The following ASAP1 variants were observed in gnomAD, a reference collection of about 807,000 sequenced individuals.
The protein encoded by ASAP1 is arf-GAP with SH3 domain, ANK repeat and PH domain-containing protein 1.
In ASAP1, 43 loss-of-function variants were observed where a neutral mutation model predicts 145.2. That is an observed-to-expected ratio of 0.30 (90% CI 0.23 to 0.38). ASAP1 has a LOEUF of 0.38. ASAP1 is among the 10% of genes least tolerant of loss of function. ASAP1 has a pLI of 1.00. For synonymous variants in ASAP1, 546 were observed against 515.5 expected, an observed-to-expected ratio of 1.06 and a Z score of -0.80; for missense variants, 1,018 against 1,355.3, an observed-to-expected ratio of 0.75 and a Z score of 3.91.
At chr8:130,217,496 T>A (rs983301768) in intron 4 of ASAP1, among the ~76,000 whole-genome samples, 10 of 151,338 alleles carry the variant, frequency 6.6e-5, no homozygotes, top group African/African-American at 2.4e-4. Context: ...TATATATGTA[T>A]ATTATATGTG....
intron 1 of ASAP1, among the ~76,000 whole-genome samples, chr8:130,418,229 T>A (rs754286178): frequency 1.2e-4 from 18 of 152,212 alleles, no homozygotes; most frequent in Non-Finnish European, 2.1e-4. Context: ...TGACTTATAA[T>A]TCACATACAA....
At chr8:130,389,696 TTTTA>T (rs1828185026) in intron 2 of ASAP1, among the ~76,000 whole-genome samples, 1 of 152,142 alleles carries the variant, frequency 6.6e-6, no homozygotes, top group African/African-American at 2.4e-5. Flanking sequence ...TTAGCTTTCT[TTTTA>T]TTTATTTATT....
chr8:130,318,206 C>CA (rs1157681356), intron 3 of ASAP1, among the ~76,000 whole-genome samples: 1 of 152,180 alleles, frequency 6.6e-6, no homozygotes, highest in Non-Finnish European at 1.5e-5. Flanking sequence ...CTCAGCCCCC[C>CA]AAGTGGCTGG....
At chr8:130,203,638 T>C (rs577939560) in intron 5 of ASAP1, among the ~76,000 whole-genome samples, 80 of 152,120 alleles carry the variant, frequency 5.3e-4, no homozygotes, top group Non-Finnish European at 1.1e-3. Context: ...ATGCCTGGGA[T>C]GGAAAATGGG....
chr8:130,302,996 G>GA (rs1393856155), intron 3 of ASAP1, among the ~76,000 whole-genome samples: 4 of 151,538 alleles, frequency 2.6e-5, no homozygotes, highest in Non-Finnish European at 1.5e-5. Flanking sequence ...GTCACCACGG[G>GA]AAAAAAAAGA....
chr8:130,347,611 C>T (rs895584965), intron 3 of ASAP1, among the ~76,000 whole-genome samples: 2 of 152,174 alleles, frequency 1.3e-5, no homozygotes, highest in African/African-American at 4.8e-5. Flanking sequence ...ACCATCACCC[C>T]CAGGCTGAAG....
At chr8:130,126,895 C>T (rs1363115523) in intron 16 of ASAP1, among the ~76,000 whole-genome samples, 2 of 152,226 alleles carry the variant, frequency 1.3e-5, no homozygotes, top group Admixed American at 6.5e-5. Flanking sequence ...CTTGTTCTGA[C>T]TCCTACTAGC....
chr8:130,184,737 T>C (rs1471932830), intron 7 of ASAP1, among the ~76,000 whole-genome samples: 1 of 152,234 alleles, frequency 6.6e-6, no homozygotes, highest in African/African-American at 2.4e-5. Context: ...CGTACATTTA[T>C]CACTTTGACC....
rs565880356 is a variant in ASAP1 at position 130,440,587 on chromosome 8, C to T, written c.-28+2873G>A. Among the ~76,000 whole-genome samples, 147 of 152,112 alleles carry T rather than the reference C, an allele frequency of 9.7e-4. 1 individual carries two copies. Among genetic ancestry groups the T allele is most frequent in the African/African-American group, 3.4e-3 (140 of 41,494 alleles). ...CTTCCCTTTGTACTGGGTGGAGGGA[C>T]TCTCCCCAGCATGGCTTAGAATCGG... On this transcript the variant is annotated intron_variant, in intron 1 of 29. Transcript: ENST00000518721.
At chr8:130,115,535 A>C in intron 23 of ASAP1, 93 bp downstream of exon 23, 1 of 974,786 alleles carries the variant, frequency 1.0e-6, no homozygotes. Context: ...ATAAAACCAC[A>C]ATCAATCAAT....
chr8:130,245,127 G>A (rs1818771453), intron 3 of ASAP1, among the ~76,000 whole-genome samples: 1 of 152,138 alleles, frequency 6.6e-6, no homozygotes, highest in Non-Finnish European at 1.5e-5. Flanking sequence ...ATGTTATCAT[G>A]TTAGTTTCAA....
chr8:130,110,150 T>C (rs1032766679), intron 24 of ASAP1, among the ~76,000 whole-genome samples: 1 of 152,168 alleles, frequency 6.6e-6, no homozygotes, highest in South Asian at 2.1e-4. Context: ...AGTCAGACAG[T>C]ATATATTATG....
At chr8:130,292,560 T>C (rs1822010954) in intron 3 of ASAP1, among the ~76,000 whole-genome samples, 1 of 152,184 alleles carries the variant, frequency 6.6e-6, no homozygotes. Flanking sequence ...CCACGAAACT[T>C]TCCAAGTTTA....
At chr8:130,076,832 T>C (rs1180579377) in intron 26 of ASAP1, among the ~76,000 whole-genome samples, 2 of 152,168 alleles carry the variant, frequency 1.3e-5, no homozygotes, top group Non-Finnish European at 2.9e-5. Flanking sequence ...AAAATGTCTT[T>C]AACAAAAGAT....
At chr8:130,394,575 C>A (rs1223361196) in intron 2 of ASAP1, among the ~76,000 whole-genome samples, 2 of 152,168 alleles carry the variant, frequency 1.3e-5, no homozygotes, top group East Asian at 1.9e-4. Context: ...GTAAAGTATG[C>A]GATCTCTGTG....
chr8:130,064,074 C>T (rs2097425030), intron 27 of ASAP1, among the ~76,000 whole-genome samples: 2 of 152,148 alleles, frequency 1.3e-5, no homozygotes, highest in Non-Finnish European at 2.9e-5. Flanking sequence ...ACCAGCCATG[C>T]TGATATCTGG....
rs187611148 is a variant in ASAP1, at chr8:130,126,523, C to G, written c.1382-434G>C. Among the ~76,000 whole-genome samples the G allele has an allele frequency of 2.7e-4, 41 of 152,166 alleles. 1 individual carries two copies. The highest frequency in any genetic ancestry group is 9.4e-4 in the African/African-American group (39 of 41,442). On this transcript the variant is annotated intron_variant, in intron 16 of 29. Coordinates refer to ENST00000518721, the MANE Select transcript of ASAP1 (RefSeq NM_018482.4). ...GGTCATGGCCTCCCCATGAGCACTT[C>G]TTAGTAATAAGACAGCTGTAAATAT... is the stretch of plus-strand genomic sequence containing the variant.
intron 1 of ASAP1, among the ~76,000 whole-genome samples, chr8:130,428,458 C>T (rs79600047): frequency 1.9e-4 from 1 of 5,166 alleles, no homozygotes; most frequent in Non-Finnish European, 5.6e-4. Flanking sequence ...TCATTATCAC[C>T]ATCATCATCA....
At chr8:130,112,508 T>C in intron 23 of ASAP1, 186 bp from the exon 24 acceptor site, 1 of 558,666 alleles carries the variant, frequency 1.8e-6, no homozygotes, top group Non-Finnish European at 3.2e-6. Context: ...TACCACACTT[T>C]CATATCGTTC....
Sources: allele counts gnomAD v4.1 joint callset (sites outside exome capture counted in the v4.1 genomes callset), GRCh38; gene constraint gnomAD v4.1.1; transcripts MANE v1.5; gene names NCBI Gene and HGNC (gene_info 2026-07-23, HGNC 2026-07-21).